The following CEP112 variants were observed in gnomAD, a reference collection of about 807,000 sequenced individuals.
The protein encoded by CEP112 is centrosomal protein of 112 kDa.
In CEP112, 127 loss-of-function variants were observed where a neutral mutation model predicts 153.0. That is an observed-to-expected ratio of 0.83 (90% CI 0.72 to 0.96). The LOEUF is 0.96. Ranked by LOEUF, CEP112 falls within the 40% of genes least tolerant of loss-of-function variation. The pLI, the probability that CEP112 is intolerant of heterozygous loss-of-function variation, is 0.00. For missense variants in CEP112, 1,089 were observed against 1,101.2 expected, an observed-to-expected ratio of 0.99 and a Z score of 0.16; for synonymous variants, 358 against 374.4, an observed-to-expected ratio of 0.96 and a Z score of 0.51.
chr17:65,859,415 G>C (rs2058229800), intron 20 of CEP112, among the ~76,000 whole-genome samples: 1 of 140,762 alleles, frequency 7.1e-6, no homozygotes, highest in Non-Finnish European at 1.5e-5. Flanking sequence ...ACTCCAGCCT[G>C]GGTGACAGGG....
chr17:66,129,717 A>AT (rs2070038493), intron 6 of CEP112, 29 bp downstream of exon 6: 1 of 1,453,224 alleles, frequency 6.9e-7, no homozygotes, highest in South Asian at 1.2e-5. Flanking sequence ...ACACATCTAT[A>AT]TATACATAAA....
intron 4 of CEP112, among the ~76,000 whole-genome samples, chr17:66,161,160 A>G (rs1406459019): frequency 2.0e-5 from 3 of 152,304 alleles, no homozygotes; most frequent in Non-Finnish European, 2.9e-5. Context: ...TTAGAATGGC[A>G]ATCACTAAAA....
chr17:65,726,993 G>C (rs532999648), intron 23 of CEP112, among the ~76,000 whole-genome samples: 1 of 152,292 alleles, frequency 6.6e-6, no homozygotes, highest in African/African-American at 2.4e-5. Flanking sequence ...AGTATATCCA[G>C]AGATAGATTC....
chr17:65,695,440 T>C (rs912124706), intron 23 of CEP112, among the ~76,000 whole-genome samples: 1 of 152,176 alleles, frequency 6.6e-6, no homozygotes, highest in Non-Finnish European at 1.5e-5. Flanking sequence ...TGTATGAACA[T>C]AATTCAGCTC....
chr17:65,839,402 A>T lies in CEP112; in HGVS notation c.2394+12402T>A, dbSNP rs78328803. Among the ~76,000 whole-genome samples, 773 of 152,212 alleles carry T rather than the reference A, an allele frequency of 5.1e-3. 49 individuals are homozygous for T. The East Asian group carries it at 0.14, about 27-fold the overall frequency. On this transcript the variant is annotated intron_variant, in intron 21 of 26. Transcript: ENST00000535342. ...ACATCACATTAACGAAACCAAGAAC[A>T]AAAACCATATGGTCACTTTAGTAGA... is the stretch of plus-strand genomic sequence containing the variant.
At position 65,911,922 on chromosome 17, in the gene CEP112, T is replaced by G. The variant is rs184904831; in HGVS notation, c.1981-9588A>C. Among the ~76,000 whole-genome samples the G allele has an allele frequency of 1.3e-4, 20 of 152,294 alleles. 1 individual carries two copies. In the East Asian group the frequency reaches 3.5e-3, roughly 26 times the overall value. ...TAAGATTTGGGTAAAATTTTTGTTT[T>G]CTTCTTTGTGTGCAGGACCATGTCA... On this transcript the variant is annotated intron_variant, in intron 19 of 26. Coordinates refer to ENST00000535342, the MANE Select transcript of CEP112 (RefSeq NM_001199165.4).
chr17:66,192,087 G>C lies in CEP112; in HGVS notation c.-99C>G, dbSNP rs1016829924. 6.5e-6 allele frequency: 1 copy of C among 153,186 alleles called. No homozygotes were observed. Among genetic ancestry groups the C allele is most frequent in the African/African-American group, 2.4e-5 (1 of 41,350 alleles). 9.5% of individuals were successfully genotyped at this position (153,186 alleles called of 1,614,324 possible). On this transcript the variant is annotated 5_prime_UTR_variant, in exon 1 of 27. Transcript: ENST00000535342. Reference sequence around the variant, plus strand: ...CTGCCAAACGGTTTCAAATCCTTGCGGGCCGCTGGGTCGCCGCCGCCCAGC... The same window carrying C: ...CTGCCAAACGGTTTCAAATCCTTGCCGGCCGCTGGGTCGCCGCCGCCCAGC...
At chr17:66,175,521 T>C (rs2072434837) in intron 3 of CEP112, among the ~76,000 whole-genome samples, 2 of 152,220 alleles carry the variant, frequency 1.3e-5, no homozygotes, top group Non-Finnish European at 2.9e-5. Flanking sequence ...AAAAGTTAAA[T>C]ACAAAGTTTT....
At chr17:66,177,446 T>G (rs2072531636) in intron 2 of CEP112, among the ~76,000 whole-genome samples, 1 of 150,678 alleles carries the variant, frequency 6.6e-6, no homozygotes, top group South Asian at 2.1e-4. Context: ...TTAATTATTG[T>G]GAGTACACAG....
chr17:65,844,599 C>A (rs999309857), intron 21 of CEP112, among the ~76,000 whole-genome samples: 1 of 151,144 alleles, frequency 6.6e-6, no homozygotes, highest in African/African-American at 2.4e-5. Context: ...GCGGGAGAAT[C>A]GCTTGAACCC....
chr17:66,167,891 T>C (rs1039516139), intron 4 of CEP112, among the ~76,000 whole-genome samples: 4 of 152,222 alleles, frequency 2.6e-5, no homozygotes, highest in Admixed American at 6.5e-5. Context: ...GTACCTAGCA[T>C]GCAGTAGGAG....
intron 18 of CEP112, among the ~76,000 whole-genome samples, chr17:65,932,757 G>A (rs957781605): frequency 2.6e-5 from 4 of 152,068 alleles, no homozygotes; most frequent in African/African-American, 7.2e-5. Context: ...TCACTTCCAC[G>A]AGAACAGCAC....
At chr17:65,740,073 A>C (rs1163973275) in intron 23 of CEP112, among the ~76,000 whole-genome samples, 1 of 152,040 alleles carries the variant, frequency 6.6e-6, no homozygotes, top group African/African-American at 2.4e-5. Context: ...TTTTCTCTTG[A>C]GTTATACTTT....
intron 4 of CEP112, among the ~76,000 whole-genome samples, chr17:66,135,527 T>G (rs1429381320): frequency 1.3e-5 from 2 of 152,150 alleles, no homozygotes; most frequent in Non-Finnish European, 2.9e-5. Context: ...ACAGGGGACC[T>G]GATCACAGTG....
chr17:65,970,179 T>C (rs977194427), intron 17 of CEP112, among the ~76,000 whole-genome samples: 2 of 152,120 alleles, frequency 1.3e-5, no homozygotes, highest in Non-Finnish European at 2.9e-5. Context: ...ATTACATTTG[T>C]ATTACATGCA....
intron 21 of CEP112, among the ~76,000 whole-genome samples, chr17:65,820,874 T>G (rs375548447): frequency 1.3e-5 from 2 of 152,076 alleles, no homozygotes; most frequent in East Asian, 1.9e-4. Flanking sequence ...TTGTCACAAA[T>G]AAGATTCAAA....
chr17:65,949,400 G>C lies in CEP112; in HGVS notation c.1872+12063C>G, dbSNP rs563166682. Among the ~76,000 whole-genome samples, 5 of 152,262 alleles carry C rather than the reference G, an allele frequency of 3.3e-5. No individual in the cohort carries two copies. In the East Asian group the frequency reaches 5.8e-4, roughly 18 times the overall value. ...AACCAAAATAATTTCCTGTTCATGG[G>C]TTGCTGTTACTATTAGTTTTCGAGG... On this transcript the variant is annotated intron_variant, in intron 18 of 26. Transcript: ENST00000535342.
At chr17:65,652,998 C>A (rs1468310931) in intron 24 of CEP112, among the ~76,000 whole-genome samples, 1 of 152,192 alleles carries the variant, frequency 6.6e-6, no homozygotes, top group East Asian at 1.9e-4. Flanking sequence ...CCCCATATGG[C>A]CTTTCCTTGA....
chr17:66,065,536 C>T (rs2067082148), intron 10 of CEP112, among the ~76,000 whole-genome samples: 1 of 152,152 alleles, frequency 6.6e-6, no homozygotes, highest in South Asian at 2.1e-4. Flanking sequence ...TCTTTACATC[C>T]AGCATCTACA....
Sources: gnomAD v4.1 joint callset for allele counts (sites outside exome capture counted in the v4.1 genomes callset) on GRCh38, gnomAD v4.1.1 for gene constraint, MANE v1.5 for transcripts, NCBI Gene and HGNC (gene_info 2026-07-23, HGNC 2026-07-21) for gene names.